PRKAR2B: variants seen among roughly 807,000 people sequenced by gnomAD.
The protein encoded by PRKAR2B is cAMP-dependent protein kinase type II-beta regulatory subunit.
PRKAR2B carries 14 observed loss-of-function variants against 49.9 expected under a neutral mutation model. That is an observed-to-expected ratio of 0.28 (90% CI 0.19 to 0.44). The LOEUF is 0.44. Among genes scored for constraint, PRKAR2B ranks in the 20% least tolerant of loss-of-function variants. PRKAR2B has a pLI of 1.00. For missense variants in PRKAR2B, 393 were observed against 537.9 expected, an observed-to-expected ratio of 0.73 and a Z score of 2.67; for synonymous variants, 196 against 197.7, an observed-to-expected ratio of 0.99 and a Z score of 0.07.
chr7:107,086,486 C>CTT (rs200022519), intron 2 of PRKAR2B, among the ~76,000 whole-genome samples: 1 of 148,508 alleles, frequency 6.7e-6, no homozygotes, highest in Non-Finnish European at 1.5e-5. Flanking sequence ...TCAGAAATGT[C>CTT]TTTTTTTTTT....
intron 1 of PRKAR2B, among the ~76,000 whole-genome samples, chr7:107,053,983 T>C (rs1341950698): frequency 3.9e-5 from 6 of 152,212 alleles, no homozygotes; most frequent in Non-Finnish European, 8.8e-5. Context: ...TGTGCTTGGA[T>C]TACCTATTAA....
chr7:107,110,309 C>T (rs1478330225), intron 2 of PRKAR2B, among the ~76,000 whole-genome samples: 1 of 152,052 alleles, frequency 6.6e-6, no homozygotes, highest in Non-Finnish European at 1.5e-5. Flanking sequence ...TGCTCTGGGG[C>T]CGTAAATAAA....
At chr7:107,081,731 A>G (rs1794519462) in intron 2 of PRKAR2B, 1 of 152,206 alleles carries the variant, frequency 6.6e-6, no homozygotes. Context: ...ATTGACAACA[A>G]ATTAAAATAT....
At chr7:107,100,602 T>G (rs1794940823) in intron 2 of PRKAR2B, among the ~76,000 whole-genome samples, 1 of 152,238 alleles carries the variant, frequency 6.6e-6, no homozygotes. Context: ...TGTTTCCATT[T>G]TTTATGGAAC....
chr7:107,053,267 T>A (rs1793844995), intron 1 of PRKAR2B, among the ~76,000 whole-genome samples: 1 of 152,202 alleles, frequency 6.6e-6, no homozygotes, highest in South Asian at 2.1e-4. Flanking sequence ...TTTATACATG[T>A]GACAATATAT....
At chr7:107,063,245 C>A (rs1237357624) in intron 1 of PRKAR2B, among the ~76,000 whole-genome samples, 3 of 152,196 alleles carry the variant, frequency 2.0e-5, no homozygotes, top group African/African-American at 7.2e-5. Context: ...GATCTGCCCA[C>A]CTGGGCCTCC....
intron 2 of PRKAR2B, among the ~76,000 whole-genome samples, chr7:107,099,507 C>G (rs947023561): frequency 3.9e-5 from 6 of 152,168 alleles, no homozygotes; most frequent in African/African-American, 1.4e-4. Context: ...GCCGCACCCA[C>G]TGTCCGACAA....
intron 2 of PRKAR2B, among the ~76,000 whole-genome samples, chr7:107,083,800 A>G (rs1198058025): frequency 6.6e-6 from 1 of 152,068 alleles, no homozygotes; most frequent in Non-Finnish European, 1.5e-5. Flanking sequence ...TTTAGTGGAA[A>G]TGGAGTTTCA....
At chr7:107,136,551 G>C (rs1185212488) in intron 4 of PRKAR2B, among the ~76,000 whole-genome samples, 1 of 152,184 alleles carries the variant, frequency 6.6e-6, no homozygotes, top group Non-Finnish European at 1.5e-5. Flanking sequence ...ACAAGCATAT[G>C]AAAAGATGCT....
rs916928555 is a variant in PRKAR2B at position 107,078,643 on chromosome 7, C to T, written c.343+8327C>T. On this transcript the variant is annotated intron_variant, in intron 2 of 10. Coordinates refer to ENST00000265717, the MANE Select transcript of PRKAR2B (RefSeq NM_002736.3). ...CCTGGCTCATTTCCAGCCACTTGCC[C>T]CTCCTGCTCTACACTCTAGCAGCGC... Among the ~76,000 whole-genome samples, 4 of 152,290 alleles carry T rather than the reference C, an allele frequency of 2.6e-5. No individual in the cohort carries two copies. The South Asian group carries it at 8.3e-4, about 32-fold the overall frequency.
At chr7:107,092,293 G>C (rs1393045943) in intron 2 of PRKAR2B, among the ~76,000 whole-genome samples, 1 of 151,556 alleles carries the variant, frequency 6.6e-6, no homozygotes, top group East Asian at 1.9e-4. Context: ...GTGTGTGTGT[G>C]TCACAGAATG....
chr7:107,057,899 T>C (rs1793946940), intron 1 of PRKAR2B, among the ~76,000 whole-genome samples: 1 of 152,192 alleles, frequency 6.6e-6, no homozygotes. Context: ...GCCAGTATAG[T>C]AATAGTACTT....
Position 107,096,040 on chromosome 7 carries a change from C to G in PRKAR2B, c.343+25724C>G, listed in dbSNP as rs1241532481. Among the ~76,000 whole-genome samples, 5 of 152,112 alleles carry G rather than the reference C, an allele frequency of 3.3e-5. No homozygotes were observed. In the East Asian group the frequency reaches 9.6e-4, roughly 29 times the overall value. On this transcript the variant is annotated intron_variant, in intron 2 of 10. Transcript: ENST00000265717. The stretch of plus-strand genomic sequence containing the variant: ...CATAAAATGAGTTAGGGAGGATTCC[C>G]TCTTGTTCTATTGTTTGGAATAGTT...
intron 2 of PRKAR2B, among the ~76,000 whole-genome samples, chr7:107,092,455 TA>T (rs886884785): frequency 1.3e-5 from 2 of 152,024 alleles, no homozygotes; most frequent in Admixed American, 1.3e-4. Flanking sequence ...TAGCGGTGTT[TA>T]AGGATTAAAC....
chr7:107,145,570 TTTTC>T (rs779222012), intron 5 of PRKAR2B, among the ~76,000 whole-genome samples: 229 of 152,064 alleles, frequency 1.5e-3, no homozygotes, highest in Non-Finnish European at 2.9e-3. Flanking sequence ...CTTCAGATGA[TTTTC>T]TTTCTTTTTT....
At position 107,050,333 on chromosome 7, in the gene PRKAR2B, C is replaced by CTTTTTTTT. The variant is rs57752789; in HGVS notation, c.307+5141_307+5148dup. On this transcript the variant is annotated intron_variant, in intron 1 of 10. Transcript: ENST00000265717. ...TTATTTTAGATAAGACAGTTACCAGCTTTTTTTTTTTTTTTTTTTTTTTTT... is the reference window on the plus strand; with the variant it reads ...TTATTTTAGATAAGACAGTTACCAGCTTTTTTTTTTTTTTTTTTTTTTTTTTTTTTTTT... Among the ~76,000 whole-genome samples the CTTTTTTTT allele has an allele frequency of 1.2e-3, 82 of 68,596 alleles. 6 individuals are homozygous for CTTTTTTTT. Among genetic ancestry groups the CTTTTTTTT allele is most frequent in the African/African-American group, 5.1e-3 (71 of 13,960 alleles). The allele number at this position is 68,596 out of a possible 152,430, so 45.0% of individuals were successfully genotyped here.
In PRKAR2B at chr7:107,088,603, A is replaced by ATATTT. The variant is rs563920673; in HGVS notation, c.343+18298_343+18302dup. Among the ~76,000 whole-genome samples, 4 of 152,032 alleles carry ATATTT rather than the reference A, an allele frequency of 2.6e-5. No homozygotes were observed. In the South Asian group the frequency reaches 8.3e-4, roughly 32 times the overall value. On this transcript the variant is annotated intron_variant, in intron 2 of 10. Coordinates refer to ENST00000265717, the MANE Select transcript of PRKAR2B (RefSeq NM_002736.3). The stretch of plus-strand genomic sequence containing the variant: ...ATACAGTTGGCTTTTATTTTATTTT[A>ATATTT]TATTTTATTTTATTTCGAGACACTC...
intron 2 of PRKAR2B, among the ~76,000 whole-genome samples, chr7:107,096,522 C>A (rs962635708): frequency 6.6e-6 from 1 of 150,644 alleles, no homozygotes; most frequent in Non-Finnish European, 1.5e-5. Flanking sequence ...CAGTTCTGCT[C>A]TGATCTTAGT....
At chr7:107,119,261 A>ACTGC (rs1795345641) in intron 2 of PRKAR2B, among the ~76,000 whole-genome samples, 1 of 152,112 alleles carries the variant, frequency 6.6e-6, no homozygotes, top group South Asian at 2.1e-4. Context: ...TATCTTGCCT[A>ACTGC]CTGCCTACTG....
Sources: allele counts gnomAD v4.1 joint callset (sites outside exome capture counted in the v4.1 genomes callset), GRCh38; gene constraint gnomAD v4.1.1; transcripts MANE v1.5; gene names NCBI Gene and HGNC (gene_info 2026-07-23, HGNC 2026-07-21).